The following CGREF1 variants were observed in gnomAD, a reference collection of about 807,000 sequenced individuals.
CGREF1 encodes the protein cell growth regulator with EF hand domain protein 1.
CGREF1 carries 16 observed loss-of-function variants against 17.4 expected under a neutral mutation model. The ratio of observed to expected loss-of-function variants is 0.92; its 90% confidence interval spans 0.62 to 1.40. The LOEUF (loss-of-function observed/expected upper bound fraction) is 1.40. Among genes scored for constraint, CGREF1 ranks in the 40% most tolerant of loss-of-function variants. The pLI is 0.00. For missense variants in CGREF1, 296 were observed against 376.4 expected (o/e 0.79, Z 1.77); for synonymous variants, 142 against 154.6 (o/e 0.92, Z 0.61).
Position 27,100,862 on chromosome 2 carries a change from G to C in CGREF1, c.*412C>G, listed in dbSNP as rs1670779517. ...CATGGGGTGTCTGAACACCAGGTGA[G>C]GGGGAACCGGTGAGGGTTTGGGGCC... On this transcript the variant is annotated 3_prime_UTR_variant, in exon 6 of 6. Coordinates refer to ENST00000402394, the MANE Select transcript of CGREF1 (RefSeq NM_006569.6). 4.6e-6 allele frequency: 5 copies of C among 1,092,034 alleles called. No homozygotes were observed. Among genetic ancestry groups the C allele is most frequent in the Non-Finnish European group, 5.6e-6 (5 of 895,392 alleles). 67.6% of individuals were successfully genotyped at this position (1,092,034 alleles called of 1,614,324 possible).
At position 27,100,734 on chromosome 2, in the gene CGREF1, A is replaced by C. The variant is rs1670773295; in HGVS notation, c.*540T>G. ...TTATTGTGAGGATAAAATCATATAT[A>C]AAATGCCCAGCATGATGCCTGATGT... On this transcript the variant is annotated 3_prime_UTR_variant, in exon 6 of 6. Transcript: ENST00000402394. 2.6e-6 allele frequency: 3 copies of C among 1,144,244 alleles called. No individual in the cohort carries two copies. In the South Asian group the frequency reaches 4.8e-5, roughly 18 times the overall value. 70.9% of individuals were successfully genotyped at this position (1,144,244 alleles called of 1,614,324 possible). A position where few individuals can be genotyped will look rare whatever the true frequency, so the allele number is the denominator to read the frequency against.
downstream of CGREF1, chr2:27,099,768 T>G (rs374393330): frequency 1.9e-5 from 31 of 1,612,604 alleles, no homozygotes; most frequent in African/African-American, 2.7e-5. Flanking sequence ...TGCCGGCTCC[T>G]CACACACCAT....
intron 1 of CGREF1, among the ~76,000 whole-genome samples, chr2:27,115,895 A>G (rs909799866): frequency 6.6e-6 from 1 of 152,130 alleles, no homozygotes; most frequent in Non-Finnish European, 1.5e-5. Context: ...CAACCTTAGC[A>G]TTCGGTTATA....
At chr2:27,105,416 A>G (rs1001893374) in intron 1 of CGREF1, among the ~76,000 whole-genome samples, 2 of 152,262 alleles carry the variant, frequency 1.3e-5, no homozygotes, top group African/African-American at 4.8e-5. Flanking sequence ...GGGGTAGAGC[A>G]GGTAAGCACC....
downstream of CGREF1, chr2:27,100,497 A>G: frequency 7.7e-7 from 1 of 1,291,046 alleles, no homozygotes; most frequent in South Asian, 1.2e-5. Flanking sequence ...CCGATCTGGA[A>G]CACATATTGG....
At chr2:27,099,569 T>G, downstream of CGREF1, 1 of 1,614,102 alleles carries the variant, frequency 6.2e-7, no homozygotes, top group Non-Finnish European at 8.5e-7. Context: ...ATCTTCAGCC[T>G]CTCCCAGGGT....
At position 27,101,037 on chromosome 2, in the gene CGREF1, G is replaced by A. The variant is rs1357069821; in HGVS notation, c.*237C>T. The A allele has an allele frequency of 1.2e-5, 16 of 1,325,320 alleles. No homozygotes were observed. The highest frequency in any genetic ancestry group is 1.5e-5 in the Non-Finnish European group (16 of 1,044,116). The allele number at this position is 1,325,320 out of a possible 1,614,324, so 82.1% of individuals were successfully genotyped here. A position where few individuals can be genotyped will look rare whatever the true frequency, so the allele number is the denominator to read the frequency against. ...GTCCCCAACCCCGTTCCTCTGAGAG[G>A]GTCTGGGCAGGCTGGACGGGTAGAG... On this transcript the variant is annotated 3_prime_UTR_variant, in exon 6 of 6. Transcript: ENST00000402394.
intron 1 of CGREF1, among the ~76,000 whole-genome samples, chr2:27,106,556 G>A (rs1671126760): frequency 6.6e-6 from 1 of 152,140 alleles, no homozygotes; most frequent in Admixed American, 6.5e-5. Flanking sequence ...CTGTGTAGAA[G>A]GGAGAAAAAA....
chr2:27,105,866 A>G (rs1361417383), intron 1 of CGREF1, among the ~76,000 whole-genome samples: 3 of 152,212 alleles, frequency 2.0e-5, no homozygotes, highest in Non-Finnish European at 4.4e-5. Context: ...TTTTCTATGC[A>G]TACAACTGGC....
intron 1 of CGREF1, among the ~76,000 whole-genome samples, chr2:27,118,491 C>G (rs1437652934): frequency 6.6e-6 from 1 of 152,216 alleles, no homozygotes; most frequent in Non-Finnish European, 1.5e-5. Context: ...CGGGCCCTCC[C>G]CAGCGCTCCA....
At chr2:27,108,847 C>A (rs1671236792) in intron 1 of CGREF1, among the ~76,000 whole-genome samples, 1 of 152,024 alleles carries the variant, frequency 6.6e-6, no homozygotes, top group Admixed American at 6.6e-5. Flanking sequence ...CAGGGTCTCA[C>A]TCTGTTGCCC....
chr2:27,118,008 GC>G (rs1671650437), intron 1 of CGREF1, among the ~76,000 whole-genome samples: 1 of 152,132 alleles, frequency 6.6e-6, no homozygotes, highest in African/African-American at 2.4e-5. Context: ...GTGAGCCACT[GC>G]TCCTGGTCGG....
intron 1 of CGREF1, among the ~76,000 whole-genome samples, chr2:27,111,816 C>T (rs1468384743): frequency 1.3e-5 from 2 of 152,066 alleles, no homozygotes; most frequent in East Asian, 1.9e-4. Flanking sequence ...CGGCAAGCGC[C>T]GCGCGCAGCC....
intron 1 of CGREF1, among the ~76,000 whole-genome samples, chr2:27,114,699 G>A (rs932766333): frequency 6.6e-6 from 1 of 152,240 alleles, no homozygotes; most frequent in African/African-American, 2.4e-5. Flanking sequence ...AAGAGAGAGT[G>A]TGGAGAACCC....
chr2:27,099,654 CCCT>C, downstream of CGREF1: 1 of 1,614,150 alleles, frequency 6.2e-7, no homozygotes. Flanking sequence ...AGCTACTTGC[CCCT>C]CCTCCAGGGA....
chr2:27,100,290 G>C (rs60769101), downstream of CGREF1: 1,888 of 483,626 alleles, frequency 3.9e-3, 25 homozygotes, highest in African/African-American at 0.034. Flanking sequence ...ACAGGCCAGT[G>C]GGGGGCAGGG....
In CGREF1 at chr2:27,100,842, G is replaced by T; in HGVS notation, c.*432C>A. On this transcript the variant is annotated 3_prime_UTR_variant, in exon 6 of 6. Transcript: ENST00000402394. The stretch of plus-strand genomic sequence containing the variant: ...TGCCCTGAGCTGCAGGAGAGCATGG[G>T]GTGTCTGAACACCAGGTGAGGGGGA... 1 of 1,098,790 alleles carries T rather than the reference G, an allele frequency of 9.1e-7. No individual in the cohort carries two copies. Among genetic ancestry groups the T allele is most frequent in the Non-Finnish European group, 1.1e-6 (1 of 898,248 alleles). 68.1% of individuals were successfully genotyped at this position (1,098,790 alleles called of 1,614,324 possible).
chr2:27,106,430 C>T (rs191157423), intron 1 of CGREF1, among the ~76,000 whole-genome samples: 1 of 152,298 alleles, frequency 6.6e-6, no homozygotes, highest in East Asian at 1.9e-4. Context: ...AAGAGACTAA[C>T]AGGAGATTCC....
chr2:27,100,528 T>C (rs1670757007), downstream of CGREF1: 2 of 1,290,788 alleles, frequency 1.5e-6, no homozygotes, highest in African/African-American at 1.5e-5. Flanking sequence ...AACTCCAATA[T>C]AGGGTGGGTA....
Sources: gnomAD v4.1 joint callset for allele counts (sites outside exome capture counted in the v4.1 genomes callset) on GRCh38, gnomAD v4.1.1 for gene constraint, MANE v1.5 for transcripts, NCBI Gene and HGNC (gene_info 2026-07-23, HGNC 2026-07-21) for gene names.